The following ZFPM2 variants were observed in gnomAD, a reference collection of about 807,000 sequenced individuals.
The protein encoded by ZFPM2 is zinc finger protein, FOG family member 2, also known as zinc finger protein ZFPM2.
Under a neutral mutation model 98.6 loss-of-function variants are expected in ZFPM2, and 20 were observed. The ratio of observed to expected loss-of-function variants is 0.20; its 90% confidence interval spans 0.14 to 0.29. The LOEUF (loss-of-function observed/expected upper bound fraction) is 0.29. ZFPM2 is among the 10% of genes least tolerant of loss of function. The probability of loss-of-function intolerance (pLI) is 1.00; values close to 1 mark genes in which losing one functional copy is unlikely to be tolerated. For synonymous variants in ZFPM2, 518 were observed against 502.7 expected, an observed-to-expected ratio of 1.03 and a Z score of -0.41; for missense variants, 1,310 against 1,388.6, an observed-to-expected ratio of 0.94 and a Z score of 0.90.
At chr8:105,455,008 T>C (rs530034572) in intron 3 of ZFPM2, among the ~76,000 whole-genome samples, 7 of 152,196 alleles carry the variant, frequency 4.6e-5, no homozygotes, top group Admixed American at 3.3e-4. Flanking sequence ...TTACTATTCC[T>C]GGGATTTGGT....
At chr8:105,757,275 A>G (rs1255873057) in intron 5 of ZFPM2, among the ~76,000 whole-genome samples, 1 of 152,122 alleles carries the variant, frequency 6.6e-6, no homozygotes, top group Non-Finnish European at 1.5e-5. Context: ...TGCATATTAG[A>G]CTCACAAGTT....
chr8:105,714,307 A>G (rs1277162356), intron 5 of ZFPM2, among the ~76,000 whole-genome samples: 3 of 152,028 alleles, frequency 2.0e-5, no homozygotes, highest in Non-Finnish European at 4.4e-5. Flanking sequence ...ATTTGTGTAC[A>G]TTGTTTCTGT....
intron 2 of ZFPM2, among the ~76,000 whole-genome samples, chr8:105,420,076 G>C (rs1408684762): frequency 6.6e-6 from 1 of 152,074 alleles, no homozygotes. Context: ...CAAATGCTTG[G>C]ATCACTTTCT....
chr8:105,708,189 AC>A (rs1811304677), intron 5 of ZFPM2, among the ~76,000 whole-genome samples: 1 of 152,278 alleles, frequency 6.6e-6, no homozygotes, highest in African/African-American at 2.4e-5. Flanking sequence ...TAAGAGTAAA[AC>A]CTGTGTCATC....
intron 5 of ZFPM2, among the ~76,000 whole-genome samples, chr8:105,755,008 G>A (rs1215986131): frequency 2.0e-5 from 3 of 152,088 alleles, no homozygotes; most frequent in Admixed American, 6.6e-5. Context: ...GCGCATGCGT[G>A]TGTGTTGCAG....
At chr8:105,607,958 C>T (rs1816228650) in intron 4 of ZFPM2, among the ~76,000 whole-genome samples, 1 of 151,914 alleles carries the variant, frequency 6.6e-6, no homozygotes, top group African/African-American at 2.4e-5. Flanking sequence ...CCATCAGTGA[C>T]AGATCGGATA....
rs1237597242 is a variant in ZFPM2, at chr8:105,439,587, C to T, written c.200-4693C>T. 4.6e-5 allele frequency among the ~76,000 whole-genome samples: 7 copies of T among 152,240 alleles called. 1 individual carries two copies. Among genetic ancestry groups the T allele is most frequent in the Admixed American group, 2.0e-4 (3 of 15,286 alleles). ...ATGATATTTGAGGAAGTTCCTTATG[C>T]AGAAACTAATATGGTAGCTGTAAGA... is the stretch of plus-strand genomic sequence containing the variant. On this transcript the variant is annotated intron_variant, in intron 2 of 7. Coordinates refer to ENST00000407775, the MANE Select transcript of ZFPM2 (RefSeq NM_012082.4).
chr8:105,647,623 T>C (rs1817076130), intron 5 of ZFPM2, among the ~76,000 whole-genome samples: 1 of 150,912 alleles, frequency 6.6e-6, no homozygotes, highest in Non-Finnish European at 1.5e-5. Flanking sequence ...TGAGAACATG[T>C]GGTGTTCAGT....
At chr8:105,465,401 A>G (rs1169371645) in intron 3 of ZFPM2, among the ~76,000 whole-genome samples, 1 of 152,018 alleles carries the variant, frequency 6.6e-6, no homozygotes, top group Non-Finnish European at 1.5e-5. Context: ...CTGTCTATAT[A>G]TATGATAAAG....
intron 6 of ZFPM2, 56 bp downstream of exon 6, chr8:105,788,980 A>C: frequency 7.1e-7 from 1 of 1,414,198 alleles, no homozygotes; most frequent in Non-Finnish European, 9.5e-7. Context: ...TTTATGGGAG[A>C]AAAAAATGTC....
At chr8:105,682,339 T>C (rs1810626675) in intron 5 of ZFPM2, among the ~76,000 whole-genome samples, 1 of 152,170 alleles carries the variant, frequency 6.6e-6, no homozygotes, top group African/African-American at 2.4e-5. Flanking sequence ...TGACCCATGA[T>C]GGACATCTGG....
At chr8:105,555,130 C>A (rs1814956214) in intron 3 of ZFPM2, among the ~76,000 whole-genome samples, 1 of 151,512 alleles carries the variant, frequency 6.6e-6, no homozygotes, top group African/African-American at 2.4e-5. Context: ...TAATCACAGA[C>A]TTTTAAAAGT....
At chr8:105,598,448 A>G (rs565930525) in intron 4 of ZFPM2, among the ~76,000 whole-genome samples, 9 of 152,304 alleles carry the variant, frequency 5.9e-5, no homozygotes, top group Non-Finnish European at 1.0e-4. Flanking sequence ...CCAAATGATA[A>G]TCACCATCTC....
intron 5 of ZFPM2, among the ~76,000 whole-genome samples, chr8:105,775,330 C>T (rs769785401): frequency 6.6e-6 from 1 of 151,990 alleles, no homozygotes; most frequent in Non-Finnish European, 1.5e-5. Flanking sequence ...CTTTTTCCCT[C>T]CACCTAATTT....
intron 3 of ZFPM2, among the ~76,000 whole-genome samples, chr8:105,472,044 T>C (rs34072143): frequency 0.64 from 97,709 of 151,980 alleles, 31,463 homozygotes; most frequent in East Asian, 0.78. Flanking sequence ...ATTTTATGCA[T>C]GATGATCTCT....
chr8:105,713,272 C>G (rs377335079), intron 5 of ZFPM2, among the ~76,000 whole-genome samples: 5 of 152,014 alleles, frequency 3.3e-5, no homozygotes, highest in African/African-American at 1.2e-4. Flanking sequence ...ATTTGCATTT[C>G]TTTGATGATT....
At chr8:105,483,972 G>A (rs1344663816) in intron 3 of ZFPM2, among the ~76,000 whole-genome samples, 1 of 151,766 alleles carries the variant, frequency 6.6e-6, no homozygotes, top group African/African-American at 2.4e-5. Context: ...CTGACCCCAT[G>A]ATCCGCCCAC....
At chr8:105,460,932 T>C (rs1186038483) in intron 3 of ZFPM2, among the ~76,000 whole-genome samples, 1 of 152,080 alleles carries the variant, frequency 6.6e-6, no homozygotes, top group Non-Finnish European at 1.5e-5. Context: ...ATAATGCACT[T>C]TTTTGATATC....
At chr8:105,735,235 G>A (rs2131021861) in intron 5 of ZFPM2, among the ~76,000 whole-genome samples, 1 of 150,880 alleles carries the variant, frequency 6.6e-6, no homozygotes. Context: ...AATAGAAAAT[G>A]TGTGATTTGT....
Sources: gnomAD v4.1 joint callset for allele counts (sites outside exome capture counted in the v4.1 genomes callset) on GRCh38, gnomAD v4.1.1 for gene constraint, MANE v1.5 for transcripts, NCBI Gene and HGNC (gene_info 2026-07-23, HGNC 2026-07-21) for gene names.